GFRA1: variants seen among roughly 807,000 people sequenced by gnomAD.
GFRA1 encodes GDNF family receptor alpha-1.
In GFRA1, 16 loss-of-function variants were observed where a neutral mutation model predicts 51.6. The observed-to-expected ratio is 0.31, with a 90% CI of 0.21 to 0.47. The LOEUF (loss-of-function observed/expected upper bound fraction) is 0.47, where lower values mean the gene tolerates loss of function less well. Among genes scored for constraint, GFRA1 ranks in the 20% least tolerant of loss-of-function variants. The pLI is 1.00. For synonymous variants in GFRA1, 270 were observed against 241.3 expected, an observed-to-expected ratio of 1.12 and a Z score of -1.10; for missense variants, 530 against 594.3, an observed-to-expected ratio of 0.89 and a Z score of 1.13.
intron 5 of GFRA1, among the ~76,000 whole-genome samples, chr10:116,202,003 T>A (rs565806468): frequency 6.6e-6 from 1 of 152,162 alleles, no homozygotes; most frequent in African/African-American, 2.4e-5. Context: ...ACGAGAAGCA[T>A]GTACATACAC....
At chr10:116,227,500 C>T (rs542934545) in intron 4 of GFRA1, among the ~76,000 whole-genome samples, 32 of 152,290 alleles carry the variant, frequency 2.1e-4, no homozygotes, top group African/African-American at 7.7e-4. Flanking sequence ...TCATTATTTC[C>T]TTCTACAAAC....
At chr10:116,148,057 TGTGTGCATGC>T (rs1300251005) in intron 5 of GFRA1, among the ~76,000 whole-genome samples, 3 of 1,312 alleles carry the variant, frequency 2.3e-3, no homozygotes, top group Non-Finnish European at 5.3e-3. Flanking sequence ...TGTGCATGCA[TGTGTGCATGC>T]GTGTGTGCAT....
At chr10:116,148,803 G>A (rs937749148) in intron 5 of GFRA1, among the ~76,000 whole-genome samples, 2 of 152,120 alleles carry the variant, frequency 1.3e-5, no homozygotes, top group African/African-American at 4.8e-5. Flanking sequence ...AGGGCACGAA[G>A]AAAAGAGAAG....
At chr10:116,101,748 C>T (rs115258704) in intron 6 of GFRA1, among the ~76,000 whole-genome samples, 41 of 152,172 alleles carry the variant, frequency 2.7e-4, no homozygotes, top group African/African-American at 9.6e-4. Flanking sequence ...AGAACAAATC[C>T]CATACTTGGA....
At chr10:116,237,574 C>CAAAAAAA (rs5788145) in intron 4 of GFRA1, among the ~76,000 whole-genome samples, 1 of 112,592 alleles carries the variant, frequency 8.9e-6, no homozygotes, top group Non-Finnish European at 1.9e-5. Flanking sequence ...AAACTAAAGG[C>CAAAAAAA]AAAAAAAAAA....
chr10:116,249,212 C>T (rs965667775), intron 4 of GFRA1, among the ~76,000 whole-genome samples: 6 of 152,170 alleles, frequency 3.9e-5, no homozygotes. Context: ...CTATAAGCTC[C>T]ATGGGGGAGG....
chr10:116,159,724 A>G (rs1028521616), intron 5 of GFRA1, among the ~76,000 whole-genome samples: 5 of 152,178 alleles, frequency 3.3e-5, no homozygotes, highest in African/African-American at 1.2e-4. Context: ...CTGCGGCTGC[A>G]CGGAAGGCTG....
At chr10:116,203,311 A>C (rs771100223) in intron 5 of GFRA1, among the ~76,000 whole-genome samples, 41 of 152,338 alleles carry the variant, frequency 2.7e-4, no homozygotes, top group Non-Finnish European at 4.9e-4. Flanking sequence ...GACTCCAAAA[A>C]CAATGCGAGT....
intron 5 of GFRA1, among the ~76,000 whole-genome samples, chr10:116,193,702 C>T (rs1963468779): frequency 6.6e-6 from 1 of 152,124 alleles, no homozygotes; most frequent in Non-Finnish European, 1.5e-5. Flanking sequence ...GACCAACCTG[C>T]CTCCCCAGAT....
chr10:116,205,830 T>C (rs1281997889), intron 5 of GFRA1, among the ~76,000 whole-genome samples: 2 of 151,616 alleles, frequency 1.3e-5, no homozygotes, highest in African/African-American at 4.8e-5. Flanking sequence ...CAAGGTCACC[T>C]GGCAGGGAAG....
chr10:116,147,388 T>G (rs1039651153), intron 5 of GFRA1, among the ~76,000 whole-genome samples: 4 of 152,028 alleles, frequency 2.6e-5, no homozygotes, highest in Non-Finnish European at 4.4e-5. Flanking sequence ...TCTGCACAAT[T>G]GGTTGGAGCT....
At chr10:116,221,967 A>G (rs762342385) in intron 4 of GFRA1, among the ~76,000 whole-genome samples, 6 of 152,180 alleles carry the variant, frequency 3.9e-5, no homozygotes, top group African/African-American at 1.2e-4. Context: ...GGATTAAAAA[A>G]TGAGAATTCC....
At chr10:116,252,871 C>T (rs1483458061) in intron 4 of GFRA1, among the ~76,000 whole-genome samples, 2 of 152,182 alleles carry the variant, frequency 1.3e-5, no homozygotes, top group Non-Finnish European at 2.9e-5. Context: ...AGGTATTAAA[C>T]AACCTGCCTA....
chr10:116,274,598 G>A (rs1844150813), upstream of GFRA1, among the ~76,000 whole-genome samples: 4 of 152,188 alleles, frequency 2.6e-5, no homozygotes, highest in South Asian at 8.3e-4. Context: ...CATATTGTGT[G>A]GAGTCGCCAA....
chr10:116,134,393 TA>T (rs1958231565), intron 5 of GFRA1, among the ~76,000 whole-genome samples: 1 of 152,212 alleles, frequency 6.6e-6, no homozygotes, highest in Non-Finnish European at 1.5e-5. Flanking sequence ...TTCACAGGTG[TA>T]GGCAAACTTT....
At chr10:116,183,783 C>T (rs1962451190) in intron 5 of GFRA1, among the ~76,000 whole-genome samples, 1 of 152,240 alleles carries the variant, frequency 6.6e-6, no homozygotes, top group African/African-American at 2.4e-5. Flanking sequence ...GGCAGGACAG[C>T]ATCTCTGCCC....
chr10:116,183,990 G>A (rs1187900718), intron 5 of GFRA1, among the ~76,000 whole-genome samples: 1 of 152,226 alleles, frequency 6.6e-6, no homozygotes, highest in Non-Finnish European at 1.5e-5. Context: ...ACCCTGCACA[G>A]CACTGCTTGG....
intron 6 of GFRA1, among the ~76,000 whole-genome samples, chr10:116,110,876 C>CTG (rs1329536428): frequency 6.6e-6 from 1 of 152,188 alleles, no homozygotes; most frequent in East Asian, 1.9e-4. Context: ...TATGACCCAT[C>CTG]TGTGGACTGA....
At chr10:116,101,399 C>T (rs778420697) in intron 6 of GFRA1, among the ~76,000 whole-genome samples, 2 of 152,070 alleles carry the variant, frequency 1.3e-5, no homozygotes, top group Non-Finnish European at 2.9e-5. Context: ...AAATGTATCG[C>T]TCTCAGTAAG....
Sources: allele counts gnomAD v4.1 joint callset (sites outside exome capture counted in the v4.1 genomes callset), GRCh38; gene constraint gnomAD v4.1.1; transcripts MANE v1.5; gene names NCBI Gene and HGNC (gene_info 2026-07-23, HGNC 2026-07-21).